Variants in GRM7 observed in about 807,000 individuals in gnomAD.
The protein encoded by GRM7 is glutamate metabotropic receptor 7.
A neutral mutation model predicts 84.5 loss-of-function variants in GRM7; 35 were observed. That is an observed-to-expected ratio of 0.41 (90% CI 0.32 to 0.55). The LOEUF (loss-of-function observed/expected upper bound fraction) is 0.55, where lower values mean the gene tolerates loss of function less well. Among genes scored for constraint, GRM7 ranks in the 20% least tolerant of loss-of-function variants. GRM7 has a pLI of 0.19. For synonymous variants in GRM7, 487 were observed against 455.1 expected, an observed-to-expected ratio of 1.07 and a Z score of -0.89; for missense variants, 1,003 against 1,194.6, an observed-to-expected ratio of 0.84 and a Z score of 2.36.
chr3:7,575,025 TACA>T (rs1352029058), intron 7 of GRM7, among the ~76,000 whole-genome samples: 2 of 152,234 alleles, frequency 1.3e-5, no homozygotes, highest in African/African-American at 4.8e-5. Flanking sequence ...CCTAGGACTC[TACA>T]ACAAGCTTAT....
At chr3:6,965,701 T>C (rs1020820253) in intron 1 of GRM7, among the ~76,000 whole-genome samples, 13 of 152,160 alleles carry the variant, frequency 8.5e-5, no homozygotes, top group Admixed American at 2.0e-4. Context: ...CAATGTAACA[T>C]TTATTTTAAA....
In GRM7 at chr3:7,555,992, T is replaced by A. The variant is rs754928445; in HGVS notation, c.1516-22430T>A. Among the ~76,000 whole-genome samples the A allele has an allele frequency of 5.2e-4, 79 of 152,286 alleles. No homozygotes were observed. In the Middle Eastern group the frequency reaches 0.01, roughly 20 times the overall value. On this transcript the variant is annotated intron_variant, in intron 7 of 9. Transcript: ENST00000357716. ...TAGGTGATTAGCATAGATTACACTCTCAATTAACCTGTCTTATTTGATTTG... is the reference window on the plus strand; with the variant it reads ...TAGGTGATTAGCATAGATTACACTCACAATTAACCTGTCTTATTTGATTTG...
intron 8 of GRM7, among the ~76,000 whole-genome samples, chr3:7,672,817 G>A (rs937985649): frequency 2.6e-5 from 4 of 151,758 alleles, no homozygotes; most frequent in African/African-American, 7.2e-5. Flanking sequence ...CCGTGGTCTC[G>A]ATCTCCTGAC....
chr3:7,191,255 T>C (rs1196747770), intron 2 of GRM7, among the ~76,000 whole-genome samples: 1 of 152,230 alleles, frequency 6.6e-6, no homozygotes, highest in African/African-American at 2.4e-5. Flanking sequence ...TACGTCCTTC[T>C]CTTCTACTTC....
intron 2 of GRM7, among the ~76,000 whole-genome samples, chr3:7,168,550 A>T (rs1157984386): frequency 6.6e-6 from 1 of 152,164 alleles, no homozygotes; most frequent in Non-Finnish European, 1.5e-5. Context: ...CAGCACTTTG[A>T]TCTTAGACTC....
At chr3:7,435,102 T>A (rs1696987831) in intron 5 of GRM7, among the ~76,000 whole-genome samples, 1 of 152,142 alleles carries the variant, frequency 6.6e-6, no homozygotes, top group African/African-American at 2.4e-5. Context: ...TAATGTTTCT[T>A]ATTATTTATT....
At chr3:7,101,063 C>T (rs1699094589) in intron 1 of GRM7, among the ~76,000 whole-genome samples, 1 of 151,700 alleles carries the variant, frequency 6.6e-6, no homozygotes, top group Non-Finnish European at 1.5e-5. Context: ...TTGTGAATAT[C>T]CCTGTACAAG....
At chr3:7,606,317 C>T (rs1450549021) in intron 8 of GRM7, among the ~76,000 whole-genome samples, 1 of 151,934 alleles carries the variant, frequency 6.6e-6, no homozygotes, top group Non-Finnish European at 1.5e-5. Flanking sequence ...CTCTATGAAA[C>T]TTCAAAGATA....
chr3:6,985,726 GGAT>G (rs1395712153), intron 1 of GRM7, among the ~76,000 whole-genome samples: 2 of 152,118 alleles, frequency 1.3e-5, no homozygotes, highest in Non-Finnish European at 2.9e-5. Context: ...AGTAAGAAAA[GGAT>G]GATAATACTG....
At chr3:6,990,761 A>T (rs1209048172) in intron 1 of GRM7, among the ~76,000 whole-genome samples, 1 of 152,160 alleles carries the variant, frequency 6.6e-6, no homozygotes, top group Non-Finnish European at 1.5e-5. Flanking sequence ...TCTCCCCAAC[A>T]TTCCTCCTTT....
At chr3:7,557,612 A>G (rs994250435) in intron 7 of GRM7, among the ~76,000 whole-genome samples, 1 of 152,174 alleles carries the variant, frequency 6.6e-6, no homozygotes, top group Non-Finnish European at 1.5e-5. Flanking sequence ...AAAAATGATT[A>G]TAAAGATGTA....
intron 1 of GRM7, among the ~76,000 whole-genome samples, chr3:7,079,510 ATTTCT>A (rs776505879): frequency 2.7e-5 from 4 of 147,500 alleles, no homozygotes; most frequent in Non-Finnish European, 5.9e-5. Flanking sequence ...CGTTTGAAAC[ATTTCT>A]TTTTTTTTAT....
chr3:7,693,729 T>G, intron 9 of GRM7: 1 of 1,259,204 alleles, frequency 7.9e-7, no homozygotes, highest in South Asian at 1.3e-5. Context: ...TAAGGAAGCT[T>G]TGCTACCCAG....
chr3:7,204,860 A>G (rs944900221), intron 2 of GRM7, among the ~76,000 whole-genome samples: 1 of 152,220 alleles, frequency 6.6e-6, no homozygotes, highest in African/African-American at 2.4e-5. Flanking sequence ...AACGATGTGA[A>G]ATTTATGTTT....
intron 1 of GRM7, among the ~76,000 whole-genome samples, chr3:6,956,280 G>A (rs181630591): frequency 6.6e-6 from 1 of 152,154 alleles, no homozygotes; most frequent in Non-Finnish European, 1.5e-5. Flanking sequence ...CAGTCGAAAG[G>A]GGTTCTGATC....
At chr3:7,648,772 G>T (rs1409322020) in intron 8 of GRM7, among the ~76,000 whole-genome samples, 1 of 152,118 alleles carries the variant, frequency 6.6e-6, no homozygotes, top group Non-Finnish European at 1.5e-5. Flanking sequence ...ATTACATAAA[G>T]TGTGCTGTCT....
At chr3:7,697,948 C>T (rs1041278302) in intron 9 of GRM7, among the ~76,000 whole-genome samples, 1 of 152,110 alleles carries the variant, frequency 6.6e-6, no homozygotes, top group Non-Finnish European at 1.5e-5. Flanking sequence ...AACAAATCGT[C>T]TTGTGAGGTT....
At chr3:7,685,993 G>A (rs1484856094) in intron 9 of GRM7, among the ~76,000 whole-genome samples, 3 of 151,938 alleles carry the variant, frequency 2.0e-5, no homozygotes, top group Non-Finnish European at 4.4e-5. Flanking sequence ...TCATCCTCTT[G>A]GACTAACCAC....
At chr3:7,079,486 A>G (rs907023689) in intron 1 of GRM7, among the ~76,000 whole-genome samples, 1 of 152,076 alleles carries the variant, frequency 6.6e-6, no homozygotes, top group African/African-American at 2.4e-5. Flanking sequence ...GGAGAACTGT[A>G]CAAATGATTG....
Sources: allele counts gnomAD v4.1 joint callset (sites outside exome capture counted in the v4.1 genomes callset), GRCh38; gene constraint gnomAD v4.1.1; transcripts MANE v1.5; gene names NCBI Gene and HGNC (gene_info 2026-07-23, HGNC 2026-07-21).